The following CIMAP1D variants were observed in gnomAD, a reference collection of about 807,000 sequenced individuals.
CIMAP1D encodes CIMAP1 family member D, also known as protein CIMAP1D.
the CIMAP1D span, among the ~76,000 whole-genome samples, chr19:488,838 C>A: frequency 6.6e-6 from 1 of 152,146 alleles, no homozygotes; most frequent in Non-Finnish European, 1.5e-5. Context: ...CTGGAAGACT[C>A]GCGGCGGGGA....
the CIMAP1D span, among the ~76,000 whole-genome samples, chr19:488,840 C>G: frequency 1.3e-5 from 2 of 152,098 alleles, no homozygotes; most frequent in Non-Finnish European, 2.9e-5. Context: ...GGAAGACTCG[C>G]GGCGGGGACG....
chr19:465,020 A>G, the CIMAP1D span, among the ~76,000 whole-genome samples: 44 of 149,926 alleles, frequency 2.9e-4, no homozygotes, highest in African/African-American at 1.1e-3. Flanking sequence ...GGGCGGATGG[A>G]TGGATGGATG....
chr19:480,039 G>A, the CIMAP1D span, among the ~76,000 whole-genome samples: 1 of 152,250 alleles, frequency 6.6e-6, no homozygotes, highest in Non-Finnish European at 1.5e-5. Context: ...TGGTGTGAGC[G>A]TCTGCGATGT....
the CIMAP1D span, chr19:464,004 G>T: frequency 6.2e-6 from 10 of 1,609,130 alleles, no homozygotes; most frequent in African/African-American, 5.3e-5. Flanking sequence ...AGGGCCGGGG[G>T]TCTCCTCCAG....
chr19:469,563 G>A, the CIMAP1D span, among the ~76,000 whole-genome samples: 29 of 151,996 alleles, frequency 1.9e-4, no homozygotes, highest in African/African-American at 4.6e-4. Flanking sequence ...GGTGGCGGGC[G>A]CCTGTAGTCC....
the CIMAP1D span, among the ~76,000 whole-genome samples, chr19:469,364 C>T: frequency 6.6e-6 from 1 of 152,048 alleles, no homozygotes; most frequent in African/African-American, 2.4e-5. Flanking sequence ...CACAGGCATG[C>T]ACCACCATGC....
the CIMAP1D span, among the ~76,000 whole-genome samples, chr19:480,542 G>A: frequency 6.6e-4 from 65 of 99,000 alleles, no homozygotes; most frequent in African/African-American, 2.5e-3. Context: ...AGGATGATGG[G>A]GAAGGATGAT....
chr19:479,411 T>TGGGGGG, the CIMAP1D span, among the ~76,000 whole-genome samples: 2 of 33,324 alleles, frequency 6.0e-5, no homozygotes, highest in Non-Finnish European at 1.5e-4. Context: ...TTTTTTTTTT[T>TGGGGGG]GGGGGGGGGG....
At chr19:481,824 A>G in the CIMAP1D span, among the ~76,000 whole-genome samples, 2 of 138,398 alleles carry the variant, frequency 1.4e-5, no homozygotes, top group Admixed American at 1.5e-4. Flanking sequence ...CCCAGGCTGG[A>G]GAGTGCAGTG....
At chr19:464,183 C>G in the CIMAP1D span, 1 of 1,509,294 alleles carries the variant, frequency 6.6e-7, no homozygotes, top group Non-Finnish European at 8.9e-7. Context: ...GGCTGCTGGG[C>G]TTGGTGAAGA....
the CIMAP1D span, among the ~76,000 whole-genome samples, chr19:478,137 G>A: frequency 3.3e-5 from 5 of 152,218 alleles, no homozygotes; most frequent in African/African-American, 1.2e-4. Flanking sequence ...TGGGTGCCGA[G>A]GAGGGAGAGA....
chr19:478,865 AG>A, the CIMAP1D span, among the ~76,000 whole-genome samples: 1 of 152,242 alleles, frequency 6.6e-6, no homozygotes, highest in African/African-American at 2.4e-5. Context: ...CACCGTAATT[AG>A]GAACTCAGCC....
the CIMAP1D span, among the ~76,000 whole-genome samples, chr19:476,129 G>C: frequency 6.6e-6 from 1 of 151,096 alleles, no homozygotes; most frequent in African/African-American, 2.4e-5. Context: ...CTCTCGAGTA[G>C]CTGGGATTAC....
At chr19:465,725 G>T in the CIMAP1D span, among the ~76,000 whole-genome samples, 1 of 140,660 alleles carries the variant, frequency 7.1e-6, no homozygotes, top group Non-Finnish European at 1.5e-5. Context: ...GAATGAGTGG[G>T]TAGGTGAAAG....
At chr19:469,404 T>C in the CIMAP1D span, among the ~76,000 whole-genome samples, 7 of 152,080 alleles carry the variant, frequency 4.6e-5, no homozygotes, top group South Asian at 4.1e-4. Flanking sequence ...AAACCCTTGA[T>C]CATGGCTGGG....
chr19:489,900 GCCTGAACCCCGACCCAGGGCGAACAC>G, the CIMAP1D span: 1 of 392,218 alleles, frequency 2.5e-6, no homozygotes, highest in East Asian at 3.6e-5. Flanking sequence ...CTGCGGCTCT[GCCTGAACCCCGACCCAGGGCGAACAC>G]CCACATTTGG....
At chr19:474,276 G>A in the CIMAP1D span, among the ~76,000 whole-genome samples, 83 of 152,150 alleles carry the variant, frequency 5.5e-4, no homozygotes, top group Non-Finnish European at 1.9e-4. Context: ...CCTGCCCCAC[G>A]TTGTCTAGGG....
the CIMAP1D span, chr19:463,710 G>T: frequency 1.5e-6 from 2 of 1,294,278 alleles, no homozygotes; most frequent in Non-Finnish European, 2.1e-6. Flanking sequence ...GTCCTAGAAG[G>T]ACCTGGACAG....
the CIMAP1D span, among the ~76,000 whole-genome samples, chr19:481,237 G>GAAAAGATGATGGGA: frequency 1.9e-4 from 27 of 144,230 alleles, 3 homozygotes; most frequent in African/African-American, 6.8e-4. Context: ...AGGATGATGG[G>GAAAAGATGATGGGA]AAGGATGATG....
Sources: allele counts gnomAD v4.1 joint callset (sites outside exome capture counted in the v4.1 genomes callset), GRCh38; gene constraint gnomAD v4.1.1; transcripts MANE v1.5; gene names NCBI Gene and HGNC (gene_info 2026-07-23, HGNC 2026-07-21).